The following AFF2 variants were observed in gnomAD, a reference collection of about 807,000 sequenced individuals.
The protein encoded by AFF2 is ALF transcription elongation factor 2, also known as AF4/FMR2 family member 2.
In AFF2, 14 loss-of-function variants were observed where a neutral mutation model predicts 76.9. The ratio of observed to expected loss-of-function variants is 0.18; its 90% confidence interval spans 0.12 to 0.28. AFF2 has a LOEUF of 0.28. AFF2 is among the 10% of genes least tolerant of loss of function. The probability of loss-of-function intolerance (pLI) is 1.00; values close to 1 mark genes in which losing one functional copy is unlikely to be tolerated. For missense variants in AFF2, 868 were observed against 1,001.1 expected (o/e 0.87, Z 1.79); for synonymous variants, 398 against 366.7 (o/e 1.09, Z -0.98).
chrX:148,663,952 T>C (rs1450652903), intron 3 of AFF2, among the ~76,000 whole-genome samples: 2 of 112,252 alleles, frequency 1.8e-5, no homozygotes, highest in African/African-American at 3.2e-5. Flanking sequence ...GTTTCATTTC[T>C]GAGGCAGTTT....
intron 1 of AFF2, among the ~76,000 whole-genome samples, chrX:148,597,569 A>G (rs913685154): frequency 8.9e-6 from 1 of 112,491 alleles, no homozygotes; most frequent in East Asian, 2.8e-4. Context: ...ATCAAACAAA[A>G]TATATGTAGT....
intron 3 of AFF2, among the ~76,000 whole-genome samples, chrX:148,739,821 C>A (rs2055328744): frequency 9.0e-6 from 1 of 111,669 alleles, no homozygotes; most frequent in Non-Finnish European, 1.9e-5. Flanking sequence ...CTCCTTTTAG[C>A]AGTTCTTGTA....
At chrX:148,751,595 C>T (rs7883105) in intron 3 of AFF2, among the ~76,000 whole-genome samples, 3,058 of 111,831 alleles carry the variant, frequency 0.027, 110 homozygotes, top group African/African-American at 0.095. Flanking sequence ...GTAGACAGGG[C>T]TTGTTCTCTG....
chrX:148,580,486 A>C (rs1423344259), intron 1 of AFF2, among the ~76,000 whole-genome samples: 1 of 111,538 alleles, frequency 9.0e-6, no homozygotes, highest in Non-Finnish European at 1.9e-5. Context: ...ATCAGACAAC[A>C]GAGCTCTTGT....
intron 1 of AFF2, among the ~76,000 whole-genome samples, chrX:148,538,233 A>T (rs2052808533): frequency 1.8e-5 from 2 of 112,852 alleles, no homozygotes; most frequent in African/African-American, 6.4e-5. Flanking sequence ...TGTGTAAGGC[A>T]TTGTGCCTAA....
intron 1 of AFF2, among the ~76,000 whole-genome samples, chrX:148,508,331 C>T (rs782136049): frequency 1.8e-5 from 2 of 112,059 alleles, no homozygotes; most frequent in East Asian, 5.6e-4. Context: ...TTGTAGGCAA[C>T]GTATCTCCTG....
At chrX:148,536,517 C>T (rs1603234741) in intron 1 of AFF2, among the ~76,000 whole-genome samples, 1 of 112,190 alleles carries the variant, frequency 8.9e-6, no homozygotes, top group Non-Finnish European at 1.9e-5. Context: ...CTCATTATAA[C>T]TTTTCTAAGT....
At chrX:148,581,057 G>GTATATATGTATATATACACATATGTGTA (rs782202005) in intron 1 of AFF2, among the ~76,000 whole-genome samples, 3 of 41,900 alleles carry the variant, frequency 7.2e-5, no homozygotes, top group Admixed American at 7.6e-4. Context: ...ACACATATGT[G>GTATATATGTATATATACACATATGTGTA]TATATGTATA....
At position 148,935,923 on chromosome X, in the gene AFF2, G is replaced by C. The variant is rs143799171; in HGVS notation, c.1398-17657G>C. On this transcript the variant is annotated intron_variant, in intron 9 of 20. Coordinates refer to ENST00000370460, the MANE Select transcript of AFF2 (RefSeq NM_002025.4). ...CTTTCTAGTAAATGACATCCTAGAA[G>C]ATATTTATCAAAGCAGGAAAGCCGT... Among the ~76,000 whole-genome samples the C allele has an allele frequency of 3.1e-3, 328 of 105,743 alleles. 2 individuals are homozygous for C. Among genetic ancestry groups the C allele is most frequent in the African/African-American group, 0.011 (313 of 28,961 alleles). 91.8% of individuals were successfully genotyped at this position (105,743 alleles called of 115,157 possible).
At chrX:148,530,405 C>T (rs2052715820) in intron 1 of AFF2, among the ~76,000 whole-genome samples, 1 of 111,903 alleles carries the variant, frequency 8.9e-6, no homozygotes, top group Non-Finnish European at 1.9e-5. Flanking sequence ...GTCCAGGAAT[C>T]TTCCATTTGG....
At position 148,997,712 on chromosome X, in the gene AFF2, TTACACA is replaced by T. The variant is rs1557293555; in HGVS notation, c.*6381_*6386del. 1 of 106,779 alleles carries T rather than the reference TTACACA, an allele frequency of 9.4e-6. No homozygotes were observed. Among genetic ancestry groups the T allele is most frequent in the East Asian group, 2.8e-4 (1 of 3,571 alleles). 8.8% of individuals were successfully genotyped at this position (106,779 alleles called of 1,213,427 possible). On this transcript the variant is annotated 3_prime_UTR_variant, in exon 21 of 21. Coordinates refer to ENST00000370460, the MANE Select transcript of AFF2 (RefSeq NM_002025.4). ...GGGTCTGATTTAATTGGCATTACAC[TTACACA>T]GGGACTCTGAGCACCCCCGTCACCA...
At chrX:148,913,609 ATC>A (rs1306565759) in intron 9 of AFF2, among the ~76,000 whole-genome samples, 1 of 112,231 alleles carries the variant, frequency 8.9e-6, no homozygotes, top group East Asian at 2.8e-4. Flanking sequence ...TTATTGGTGA[ATC>A]TGATGGACCT....
At chrX:148,888,802 C>A (rs782379806) in intron 8 of AFF2, among the ~76,000 whole-genome samples, 1 of 111,276 alleles carries the variant, frequency 9.0e-6, no homozygotes, top group Non-Finnish European at 1.9e-5. Context: ...GGCCTCCTGG[C>A]TGAGCAAAAG....
At chrX:148,647,966 C>T (rs1557255749) in intron 1 of AFF2, among the ~76,000 whole-genome samples, 2 of 111,640 alleles carry the variant, frequency 1.8e-5, no homozygotes, top group Non-Finnish European at 3.8e-5. Context: ...TCTACATGTG[C>T]CCTGCATTTT....
chrX:148,511,416 T>C (rs1557233107), intron 1 of AFF2, among the ~76,000 whole-genome samples: 1 of 112,216 alleles, frequency 8.9e-6, no homozygotes, highest in Non-Finnish European at 1.9e-5. Context: ...GTTCCCGCTT[T>C]GGAGGCTAAC....
At chrX:148,854,886 TTTTTC>T (rs1291797700) in intron 7 of AFF2, among the ~76,000 whole-genome samples, 7 of 111,516 alleles carry the variant, frequency 6.3e-5, no homozygotes, top group Non-Finnish European at 1.3e-4. Flanking sequence ...TTATTGGGCC[TTTTTC>T]TTTTCTTTAT....
chrX:148,853,130 C>T (rs953316909), intron 7 of AFF2, among the ~76,000 whole-genome samples: 2 of 111,771 alleles, frequency 1.8e-5, no homozygotes, highest in African/African-American at 6.5e-5. Flanking sequence ...CAACTGAAAT[C>T]TTATTAATTG....
intron 1 of AFF2, among the ~76,000 whole-genome samples, chrX:148,593,608 T>A (rs781911169): frequency 8.9e-6 from 1 of 112,311 alleles, no homozygotes; most frequent in South Asian, 3.7e-4. Flanking sequence ...TTGTCTTATC[T>A]CTGTGCCTTA....
chrX:148,656,581 G>A (rs1223322298), intron 2 of AFF2, among the ~76,000 whole-genome samples: 5 of 94,464 alleles, frequency 5.3e-5, no homozygotes, highest in Non-Finnish European at 1.0e-4. Context: ...CTCACTGCAA[G>A]CTCCGCCTCC....
Sources: allele counts gnomAD v4.1 joint callset (sites outside exome capture counted in the v4.1 genomes callset), GRCh38; gene constraint gnomAD v4.1.1; transcripts MANE v1.5; gene names NCBI Gene and HGNC (gene_info 2026-07-23, HGNC 2026-07-21).